Variants in IL17RA observed in about 807,000 individuals in gnomAD.
IL17RA encodes the protein interleukin-17 receptor A.
Under a neutral mutation model 50.4 loss-of-function variants are expected in IL17RA, and 34 were observed. The ratio of observed to expected loss-of-function variants is 0.67; its 90% confidence interval spans 0.51 to 0.90. The LOEUF is 0.90. Ranked by LOEUF, IL17RA falls within the 40% of genes least tolerant of loss-of-function variation. IL17RA has a pLI of 0.00. For missense variants in IL17RA, 1,276 were observed against 1,169.8 expected (o/e 1.09, Z -1.32); for synonymous variants, 585 against 510.4 (o/e 1.15, Z -1.97).
chr22:17,102,482 T>C (rs1387037226), intron 7 of IL17RA, among the ~76,000 whole-genome samples, 180 bp downstream of exon 7: 1 of 152,106 alleles, frequency 6.6e-6, no homozygotes, highest in Non-Finnish European at 1.5e-5. Context: ...TTATGCTTGA[T>C]AGAAAGGCAG....
intron 1 of IL17RA, among the ~76,000 whole-genome samples, chr22:17,090,259 G>C (rs141885866): frequency 6.6e-6 from 1 of 152,110 alleles, no homozygotes; most frequent in South Asian, 2.1e-4. Context: ...CCTGAGCTCA[G>C]GCAATCCACC....
chr22:17,103,603 G>T (rs778338318), intron 8 of IL17RA, 26 bp downstream of exon 8: 29 of 1,578,110 alleles, frequency 1.8e-5, no homozygotes, highest in Non-Finnish European at 2.3e-5. Flanking sequence ...GTGGACAGGT[G>T]CAGGGAGCAA....
intron 1 of IL17RA, chr22:17,094,039 A>G (rs1212369623): frequency 7.0e-6 from 1 of 142,384 alleles, no homozygotes; most frequent in African/African-American, 2.5e-5. Context: ...GATAGAGTAC[A>G]GTGGCACAGT....
chr22:17,108,213 C>G, intron 12 of IL17RA, 94 bp from the exon 13 acceptor site: 2 of 1,317,296 alleles, frequency 1.5e-6, no homozygotes, highest in Non-Finnish European at 2.2e-6. Context: ...GAGCCAAGCT[C>G]TGTGTCCTGG....
chr22:17,094,707 A>ATATATATATATATGTG (rs2061362690), intron 1 of IL17RA, among the ~76,000 whole-genome samples: 1 of 73,038 alleles, frequency 1.4e-5, no homozygotes, highest in Non-Finnish European at 2.6e-5. Flanking sequence ...ATATATATAT[A>ATATATATATATATGTG]TATATATATA....
chr22:17,109,088 G>C lies in IL17RA; in HGVS notation c.1869G>C (p.Leu623=). The change falls in exon 13 of 13, where the codon CTG becomes CTC. Residue 623 remains leucine (L), a synonymous_variant. Coordinates refer to ENST00000319363, the MANE Select transcript of IL17RA (RefSeq NM_014339.7). ...CCGGCATCGTGAAGCGGGCGCCCCT[G>C]GTGCGCGAGCCTGGCTCCCAGGCCT... The part of the protein sequence containing the change: ...PGTGIVKRAP[L]VREPGSQACL... 1 of 1,568,746 alleles carries C rather than the reference G, an allele frequency of 6.4e-7. No individual in the cohort carries two copies. The highest frequency in any genetic ancestry group is 8.6e-7 in the Non-Finnish European group (1 of 1,165,920).
chr22:17,095,573 C>G (rs1392185801), intron 1 of IL17RA, among the ~76,000 whole-genome samples: 1 of 152,180 alleles, frequency 6.6e-6, no homozygotes, highest in Non-Finnish European at 1.5e-5. Flanking sequence ...GAAGAGTTCC[C>G]CATCTCAAGG....
In IL17RA at chr22:17,108,331, TC is replaced by T; in HGVS notation, c.1118del (p.Pro373HisfsTer3). On this transcript the variant is annotated frameshift_variant, in exon 13 of 13. Transcript: ENST00000319363. LOFTEE classifies it low-confidence loss of function (END_TRUNC). ...YTDGLPAADLIPPPLKPRKVW... is the reference protein window; with the variant it reads ...YTDGLPAADLXPPPLKPRKVW... The stretch of plus-strand genomic sequence containing the variant: ...GATGGCCTGCCTGCGGCTGACCTGA[TC>T]CCCCCACCGCTGAAGCCCAGGAAGG... 2 of 1,613,810 alleles carry T rather than the reference TC, an allele frequency of 1.2e-6. No homozygotes were observed. The highest frequency in any genetic ancestry group is 1.7e-6 in the Non-Finnish European group (2 of 1,179,936).
At position 17,109,026 on chromosome 22, in the gene IL17RA, G is replaced by A. The variant is rs1484936517; in HGVS notation, c.1807G>A (p.Glu603Lys). ...TGACCAGGATGCCCCGTCCCTGGAC[G>A]AAGAGGTGTTTGAGGAGCCACTGCT... ...ADDQDAPSLD[E>K]EVFEEPLLPP... The change falls in exon 13 of 13, where the codon GAA becomes AAA. Residue 603 changes from glutamate (E) to lysine (K), a missense_variant. Physicochemically the swap from Glu to Lys is moderately conservative, Grantham distance 56 (BLOSUM62 1). Coordinates refer to ENST00000319363, the MANE Select transcript of IL17RA (RefSeq NM_014339.7). 12 of 1,596,036 alleles carry A rather than the reference G, an allele frequency of 7.5e-6. No individual in the cohort carries two copies. In the Admixed American group the frequency reaches 8.4e-5, roughly 11 times the overall value.
At chr22:17,088,074 A>G (rs1456908064) in intron 1 of IL17RA, among the ~76,000 whole-genome samples, 2 of 152,182 alleles carry the variant, frequency 1.3e-5, no homozygotes, top group Non-Finnish European at 2.9e-5. Context: ...ACGACAGCTT[A>G]CAAGGTTGGC....
At chr22:17,106,422 G>A (rs1165902990) in intron 11 of IL17RA, among the ~76,000 whole-genome samples, 1 of 152,218 alleles carries the variant, frequency 6.6e-6, no homozygotes, top group Non-Finnish European at 1.5e-5. Flanking sequence ...GTAGTCACAG[G>A]CCAGTTACTT....
In IL17RA at chr22:17,097,049, C is replaced by G. The variant is rs866097972; in HGVS notation, c.139-13C>G. The G allele has an allele frequency of 6.2e-6, 10 of 1,613,260 alleles. No individual in the cohort carries two copies. The Middle Eastern group carries it at 1.6e-3, about 266-fold the overall frequency. On this transcript the variant is annotated splice_polypyrimidine_tract_variant and intron_variant, in intron 1 of 12. Coordinates refer to ENST00000319363, the MANE Select transcript of IL17RA (RefSeq NM_014339.7). ...TTTTCCCAGCTGTAATAACCACCCTCTTTTTTCCACAGGGGCTAAACTGCA... is the reference window on the plus strand; with the variant it reads ...TTTTCCCAGCTGTAATAACCACCCTGTTTTTTCCACAGGGGCTAAACTGCA...
chr22:17,090,898 G>T (rs2061345595), intron 1 of IL17RA, among the ~76,000 whole-genome samples: 1 of 152,094 alleles, frequency 6.6e-6, no homozygotes, highest in African/African-American at 2.4e-5. Context: ...CATGTAACTA[G>T]TCTTAGTTTT....
At position 17,109,018 on chromosome 22, in the gene IL17RA, C is replaced by G. The variant is rs1284908688; in HGVS notation, c.1799C>G (p.Ser600Cys). 5.0e-6 allele frequency: 8 copies of G among 1,597,984 alleles called. No homozygotes were observed. The highest frequency in any genetic ancestry group is 5.9e-6 in the Non-Finnish European group (7 of 1,178,748). ...LYSADDQDAPSLDEEVFEEPL... is the reference protein window; with the variant it reads ...LYSADDQDAPCLDEEVFEEPL... Reference sequence around the variant, plus strand: ...TCAGCAGATGACCAGGATGCCCCGTCCCTGGACGAAGAGGTGTTTGAGGAG... The same window carrying G: ...TCAGCAGATGACCAGGATGCCCCGTGCCTGGACGAAGAGGTGTTTGAGGAG... The change falls in exon 13 of 13, where the codon TCC becomes TGC. Residue 600 changes from serine (S) to cysteine (C), a missense_variant. Coordinates refer to ENST00000319363, the MANE Select transcript of IL17RA (RefSeq NM_014339.7).
In IL17RA at chr22:17,109,380, G is replaced by A. The variant is rs369516280; in HGVS notation, c.2161G>A (p.Val721Met). ...GCGAAATAGCGTCCTCTTCCTCCCC[G>A]TGGACCCCGAGGACTCGCCCCTTGG... ...AGRNSVLFLPVDPEDSPLGSS... is the reference protein window; with the variant it reads ...AGRNSVLFLPMDPEDSPLGSS... The change falls in exon 13 of 13, where the codon GTG becomes ATG. Residue 721 changes from valine (V) to methionine (M), a missense_variant. Val to Met is a conservative substitution (Grantham distance 21). Coordinates refer to ENST00000319363, the MANE Select transcript of IL17RA (RefSeq NM_014339.7). The A allele has an allele frequency of 4.3e-6, 7 of 1,611,840 alleles. No individual in the cohort carries two copies. The highest frequency in any genetic ancestry group is 2.2e-5 in the East Asian group (1 of 44,874).
chr22:17,100,330 C>T (rs375721533), intron 4 of IL17RA, 25 bp from the exon 5 acceptor site: 21 of 1,614,016 alleles, frequency 1.3e-5, no homozygotes, highest in Non-Finnish European at 1.8e-5. Flanking sequence ...AATCCATCCA[C>T]CTTCCCTTCC....
At chr22:17,095,526 A>T (rs1422420417) in intron 1 of IL17RA, among the ~76,000 whole-genome samples, 1 of 152,182 alleles carries the variant, frequency 6.6e-6, no homozygotes, top group Non-Finnish European at 1.5e-5. Context: ...GGCTAGTAGG[A>T]AGTTACTCCA....
rs759393806 is a variant in IL17RA, at chr22:17,104,807, C to T, written c.928C>T (p.Pro310Ser). Reference protein sequence around the residue: ...TVSCPEMPDTPEPIPDYMPLW... With the variant: ...TVSCPEMPDTSEPIPDYMPLW... ...TTCCTGCCCAGAAATGCCAGACACT[C>T]CAGGTAGGGGACATGCGGCTGTCCT... The change falls in exon 9 of 13, where the codon CCA (proline) becomes TCA (serine). Residue 310 changes from proline to serine, a missense_variant. By Grantham distance (74) the Pro-to-Ser change is moderately conservative. Coordinates refer to ENST00000319363, the MANE Select transcript of IL17RA (RefSeq NM_014339.7). 4 of 1,614,016 alleles carry T rather than the reference C, an allele frequency of 2.5e-6. No homozygotes were observed. Among genetic ancestry groups the T allele is most frequent in the Non-Finnish European group, 3.4e-6 (4 of 1,179,898 alleles).
chr22:17,090,066 A>G (rs1010677617), intron 1 of IL17RA, among the ~76,000 whole-genome samples: 1 of 151,924 alleles, frequency 6.6e-6, no homozygotes, highest in Non-Finnish European at 1.5e-5. Flanking sequence ...TCTGTCACCC[A>G]GGCTGGAGTG....
Sources: allele counts gnomAD v4.1 joint callset (sites outside exome capture counted in the v4.1 genomes callset), GRCh38; gene constraint gnomAD v4.1.1; transcripts MANE v1.5; gene names NCBI Gene and HGNC (gene_info 2026-07-23, HGNC 2026-07-21).